The following SLC35D2 variants were observed in gnomAD, a reference collection of about 807,000 sequenced individuals.
SLC35D2 encodes nucleotide sugar transporter SLC35D2.
A neutral mutation model predicts 41.8 loss-of-function variants in SLC35D2; 43 were observed. The ratio of observed to expected loss-of-function variants is 1.03; its 90% CI spans 0.81 to 1.33. SLC35D2 has a LOEUF of 1.33. Ranked by LOEUF, SLC35D2 falls within the 40% of genes most tolerant of loss-of-function variation. The pLI is 0.00. For synonymous variants in SLC35D2, 150 were observed against 163.9 expected, an observed-to-expected ratio of 0.92 and a Z score of 0.65; for missense variants, 380 against 408.4, an observed-to-expected ratio of 0.93 and a Z score of 0.60.
intron 4 of SLC35D2, among the ~76,000 whole-genome samples, chr9:96,359,131 C>T (rs1430247080): frequency 6.6e-6 from 1 of 151,856 alleles, no homozygotes; most frequent in Non-Finnish European, 1.5e-5. Context: ...GGTGAAACCC[C>T]GTCCCTACTA....
At chr9:96,346,290 C>G (rs1355402101) in intron 6 of SLC35D2, among the ~76,000 whole-genome samples, 1 of 151,946 alleles carries the variant, frequency 6.6e-6, no homozygotes, top group African/African-American at 2.4e-5. Flanking sequence ...TGGGGACTTA[C>G]GTTTTAAAAA....
chr9:96,321,400 G>A (rs1010894891), intron 11 of SLC35D2, 59 bp from the exon 12 acceptor site: 14 of 1,199,168 alleles, frequency 1.2e-5, no homozygotes, highest in Non-Finnish European at 1.7e-5. Flanking sequence ...GGCTCCAGCA[G>A]CAGTTGCTGG....
intron 7 of SLC35D2, among the ~76,000 whole-genome samples, chr9:96,344,509 TAAAA>T (rs35407925): frequency 1.0e-4 from 1 of 10,032 alleles, no homozygotes; most frequent in Non-Finnish European, 1.8e-4. Flanking sequence ...CTTCTACCGT[TAAAA>T]AAAAAAAAAA....
At chr9:96,325,110 A>C (rs1388912238) in intron 9 of SLC35D2, among the ~76,000 whole-genome samples, 1 of 152,234 alleles carries the variant, frequency 6.6e-6, no homozygotes, top group African/African-American at 2.4e-5. Context: ...CAGGCACTTA[A>C]CATGACCGTA....
chr9:96,372,574 CTTTTTTTTTTTTTTTTT>C (rs71368250), intron 1 of SLC35D2, among the ~76,000 whole-genome samples: 1 of 90,142 alleles, frequency 1.1e-5, no homozygotes, highest in African/African-American at 5.4e-5. Flanking sequence ...TAAATAATTA[CTTTTTTTTTTTTTTTTT>C]TTTTTTTTTT....
At chr9:96,360,345 T>C in intron 3 of SLC35D2, 124 bp from the exon 4 acceptor site, 4 of 797,800 alleles carry the variant, frequency 5.0e-6, no homozygotes, top group South Asian at 5.0e-5. Context: ...AAAAAAATGA[T>C]TTTGGCGGGG....
At chr9:96,333,742 G>A (rs1828921480) in intron 9 of SLC35D2, among the ~76,000 whole-genome samples, 1 of 152,138 alleles carries the variant, frequency 6.6e-6, no homozygotes, top group Non-Finnish European at 1.5e-5. Context: ...CCACTTCTTG[G>A]TTTCCTTCAT....
chr9:96,321,953 G>A (rs766823776), intron 11 of SLC35D2, 45 bp downstream of exon 11: 2 of 1,122,204 alleles, frequency 1.8e-6, no homozygotes, highest in South Asian at 2.6e-5. Context: ...GAGTGTTTAA[G>A]GTTCTTGTCT....
intron 11 of SLC35D2, chr9:96,314,919 G>A (rs1217791918): frequency 6.6e-6 from 1 of 152,172 alleles, no homozygotes; most frequent in Non-Finnish European, 1.5e-5. Context: ...GGAAAAGAGA[G>A]GAGTGGGGTC....
At chr9:96,351,226 ATATGAT>A in intron 5 of SLC35D2, 55 bp from the exon 6 acceptor site, 2 of 1,222,594 alleles carry the variant, frequency 1.6e-6, no homozygotes, top group Non-Finnish European at 1.2e-6. Context: ...AAACATTGAA[ATATGAT>A]TATATTTTTT....
At chr9:96,371,782 A>C (rs1306254110) in intron 1 of SLC35D2, among the ~76,000 whole-genome samples, 85 of 118,820 alleles carry the variant, frequency 7.2e-4, no homozygotes, top group Non-Finnish European at 1.1e-3. Flanking sequence ...GCTGGAGTGC[A>C]GTGGCGGGAT....
chr9:96,334,965 C>T (rs771906072), intron 9 of SLC35D2, among the ~76,000 whole-genome samples: 42 of 152,266 alleles, frequency 2.8e-4, no homozygotes, highest in Non-Finnish European at 4.9e-4. Context: ...TTAAATCAGA[C>T]ACAGCTAAAG....
chr9:96,376,433 C>T (rs1389319251), intron 1 of SLC35D2, among the ~76,000 whole-genome samples: 3 of 151,532 alleles, frequency 2.0e-5, no homozygotes, highest in Non-Finnish European at 4.4e-5. Context: ...GGTGAAACCC[C>T]GTCTCTACTA....
exon 12 of SLC35D2, chr9:96,314,486 G>A (rs1170050082): frequency 2.0e-5 from 3 of 152,086 alleles, no homozygotes; most frequent in Admixed American, 6.5e-5. Flanking sequence ...AACTAACACA[G>A]GAACAGAAAA....
At position 96,332,902 on chromosome 9, in the gene SLC35D2, AT is replaced by A. The variant is rs201907613; in HGVS notation, c.752+3814del. On this transcript the variant is annotated intron_variant, in intron 9 of 11. Coordinates refer to ENST00000253270, the MANE Select transcript of SLC35D2 (RefSeq NM_007001.3). The stretch of plus-strand genomic sequence containing the variant: ...ACTTATAATAACTACACCTTTGCGA[AT>A]TTTTTTTTTTTTTTGAGACAGAGTC... Among the ~76,000 whole-genome samples the A allele has an allele frequency of 6.4e-3, 915 of 142,622 alleles. 5 individuals carry two copies. Among genetic ancestry groups the A allele is most frequent in the African/African-American group, 0.017 (671 of 39,108 alleles). The allele number at this position is 142,622 out of a possible 152,430, so 93.6% of individuals were successfully genotyped here. A position where few individuals can be genotyped will look rare whatever the true frequency, so the allele number is the denominator to read the frequency against.
At chr9:96,368,687 C>T (rs923053879) in intron 1 of SLC35D2, among the ~76,000 whole-genome samples, 8 of 149,266 alleles carry the variant, frequency 5.4e-5, no homozygotes, top group African/African-American at 1.7e-4. Context: ...TACACACACA[C>T]ATATATATAT....
At chr9:96,381,208 T>G (rs1831185392) in intron 1 of SLC35D2, among the ~76,000 whole-genome samples, 1 of 152,220 alleles carries the variant, frequency 6.6e-6, no homozygotes, top group African/African-American at 2.4e-5. Flanking sequence ...CTACAACTAT[T>G]TATCCAGTCT....
intron 3 of SLC35D2, among the ~76,000 whole-genome samples, chr9:96,364,047 G>A (rs778658368): frequency 5.9e-5 from 9 of 152,212 alleles, no homozygotes; most frequent in Non-Finnish European, 1.3e-4. Context: ...CAGGCACAGT[G>A]GCTCACACCT....
At chr9:96,318,093 T>G (rs901468945), downstream of SLC35D2, among the ~76,000 whole-genome samples, 5 of 143,126 alleles carry the variant, frequency 3.5e-5, no homozygotes, top group African/African-American at 1.3e-4. Flanking sequence ...TTTAATTATT[T>G]TATCTTACTA....
Sources: allele counts gnomAD v4.1 joint callset (sites outside exome capture counted in the v4.1 genomes callset), GRCh38; gene constraint gnomAD v4.1.1; transcripts MANE v1.5; gene names NCBI Gene and HGNC (gene_info 2026-07-23, HGNC 2026-07-21).